BCKDK: variants seen among roughly 807,000 people sequenced by gnomAD.
BCKDK encodes branched-chain alpha-ketoacid dehydrogenase kinase.
BCKDK carries 28 observed loss-of-function variants against 43.9 expected under a neutral mutation model. That is an observed-to-expected ratio of 0.64 (90% CI 0.47 to 0.87). The LOEUF (loss-of-function observed/expected upper bound fraction) is 0.87. Among genes scored for constraint, BCKDK ranks in the 40% least tolerant of loss-of-function variants. BCKDK has a pLI of 0.00. For missense variants in BCKDK, 483 were observed against 581.4 expected (o/e 0.83, Z 1.74); for synonymous variants, 257 against 234.3 (o/e 1.10, Z -0.88).
At position 31,110,203 on chromosome 16, in the gene BCKDK, AG is replaced by A; in HGVS notation, c.424-1del. ...CCTTCCTCATGACTCTGTGACCTGC[AG>A]ATCAAGGACCAGGCGGACGAGGCCC... On this transcript the variant is annotated splice_acceptor_variant, in intron 5 of 11. Transcript: ENST00000219794. LOFTEE classifies it high-confidence loss of function. This position sits in a 1 kb window ranked among gnomAD's most constrained non-coding sequence, Gnocchi z 5.4. 4 of 1,614,154 alleles carry A rather than the reference AG, an allele frequency of 2.5e-6. No individual in the cohort carries two copies. The highest frequency in any genetic ancestry group is 3.4e-6 in the Non-Finnish European group (4 of 1,180,020).
At chr16:31,117,394 A>AATTAATTAATT (rs1567432238), downstream of BCKDK, 1 of 211,452 alleles carries the variant, frequency 4.7e-6, no homozygotes, top group Non-Finnish European at 9.3e-6. Context: ...ATAAATAAAT[A>AATTAATTAATT]AATAAATTAA....
At position 31,111,098 on chromosome 16, in the gene BCKDK, T is replaced by C. The variant is rs1567429360; in HGVS notation, c.724T>C (p.Cys242Arg). The stretch of plus-strand genomic sequence containing the variant: ...CCTCGCTCCTATCCGCAGACGCCTG[T>C]GTGAGCACAAGTATGGCAATGCGCC... Reference protein sequence around the residue: ...EKWVDFARRLCEHKYGNAPRV... With the variant: ...EKWVDFARRLREHKYGNAPRV... Residue 242 changes from cysteine (C) to arginine (R), a missense_variant, in exon 9 of 12, where the codon TGT (cysteine) becomes CGT (arginine). By Grantham distance (180) the Cys-to-Arg change is radical. Coordinates refer to ENST00000219794, the MANE Select transcript of BCKDK (RefSeq NM_005881.4). 9 of 1,614,090 alleles carry C rather than the reference T, an allele frequency of 5.6e-6. No individual in the cohort carries two copies. Among genetic ancestry groups the C allele is most frequent in the Non-Finnish European group, 6.8e-6 (8 of 1,180,016 alleles).
Position 31,111,991 on chromosome 16 carries a change from A to G in BCKDK, c.1058A>G (p.Asp353Gly), listed in dbSNP as rs200213677. ...ATCAGCCCCCTCTTTGGCCATCTGG[A>G]CATGCATAGTGGCGCCCAGTCAGGA... Reference protein sequence around the residue: ...PRISPLFGHLDMHSGAQSGPM... With the variant: ...PRISPLFGHLGMHSGAQSGPM... The change falls in exon 11 of 12, where the codon GAC (aspartate) becomes GGC (glycine). Residue 353 changes from aspartate to glycine, a missense_variant. Transcript: ENST00000219794. The G allele has an allele frequency of 1.7e-4, 280 of 1,613,946 alleles. No homozygotes were observed. Among genetic ancestry groups the G allele is most frequent in the Non-Finnish European group, 2.3e-4 (273 of 1,180,020 alleles).
downstream of BCKDK, among the ~76,000 whole-genome samples, chr16:31,114,433 G>A (rs1287503947): frequency 2.6e-5 from 4 of 151,712 alleles, no homozygotes; most frequent in East Asian, 1.9e-4. Context: ...GGCTGGTCTC[G>A]AACTCCCAAC....
At chr16:31,111,439 G>A in intron 10 of BCKDK, 50 bp downstream of exon 10, 1 of 1,582,022 alleles carries the variant, frequency 6.3e-7, no homozygotes, top group Non-Finnish European at 8.7e-7. Flanking sequence ...GGGGGTCTAG[G>A]CACTGTTTCT....
At chr16:31,112,862 T>G (rs373191639), downstream of BCKDK, 4 of 175,192 alleles carry the variant, frequency 2.3e-5, no homozygotes, top group East Asian at 4.8e-4. The surrounding 1 kb of genome is among the most constrained non-coding windows in gnomAD (Gnocchi z 5.0). Flanking sequence ...GTTTTGACTC[T>G]TCCTTTCCTG....
chr16:31,110,091 C>T lies in BCKDK; in HGVS notation c.390C>T (p.Ile130=). 1 of 1,614,158 alleles carries T rather than the reference C, an allele frequency of 6.2e-7. No individual in the cohort carries two copies. The highest frequency in any genetic ancestry group is 8.5e-7 in the Non-Finnish European group (1 of 1,180,036). The change falls in exon 5 of 12, where the codon ATC becomes ATT. Residue 130 remains isoleucine (I), a synonymous_variant. Transcript: ENST00000219794. The surrounding 1 kb of genome is among the most constrained non-coding windows in gnomAD (Gnocchi z 5.4). The part of the protein sequence containing the change: ...PTILHVHELY[I]RAFQKLTDFP... The stretch of plus-strand genomic sequence containing the variant: ...CTTCCTTGCAGCATGAGCTATATAT[C>T]CGTGCCTTCCAGAAGCTGACAGACT...
chr16:31,109,872 G>A lies in BCKDK; in HGVS notation c.375+89G>A. ...GGCCCAGAGTGGCAGACGATTGCTT[G>A]CCTAAAGGTGTCAGGGCCACACAGG... is the stretch of plus-strand genomic sequence containing the variant. On this transcript the variant is annotated intron_variant, in intron 4 of 11. Coordinates refer to ENST00000219794, the MANE Select transcript of BCKDK (RefSeq NM_005881.4). The surrounding 1 kb of genome is among the most constrained non-coding windows in gnomAD (Gnocchi z 5.3). The A allele has an allele frequency of 6.9e-7, 1 of 1,452,208 alleles. No homozygotes were observed. The highest frequency in any genetic ancestry group is 9.6e-7 in the Non-Finnish European group (1 of 1,040,276). 90.0% of individuals were successfully genotyped at this position (1,452,208 alleles called of 1,614,324 possible).
At chr16:31,117,605 G>A (rs1450523260), downstream of BCKDK, 6 of 1,197,578 alleles carry the variant, frequency 5.0e-6, no homozygotes, top group African/African-American at 6.4e-5. Flanking sequence ...ACCTTGAGGA[G>A]CCCGCCCCAC....
rs751842287 is a variant in BCKDK at position 31,111,195 on chromosome 16, C to T, written c.821C>T (p.Pro274Leu). 1.1e-5 allele frequency: 18 copies of T among 1,614,030 alleles called. No homozygotes were observed. Among genetic ancestry groups the T allele is most frequent in the East Asian group, 2.2e-5 (1 of 44,900 alleles). The part of the protein sequence containing the change: ...FIPMPLDYIL[P>L]ELLKNAMRAT... ...CCTATGCCACTGGACTACATCCTGCCGGAGCTGCTCAAGAATGCCATGAGG... is the reference window on the plus strand; with the variant it reads ...CCTATGCCACTGGACTACATCCTGCTGGAGCTGCTCAAGAATGCCATGAGG... Residue 274 changes from proline to leucine, a missense_variant, in exon 9 of 12, where the codon CCG becomes CTG. By Grantham distance (98) the Pro-to-Leu change is moderately conservative. Coordinates refer to ENST00000219794, the MANE Select transcript of BCKDK (RefSeq NM_005881.4).
downstream of BCKDK, chr16:31,117,398 A>AATT (rs2057454466): frequency 1.2e-4 from 29 of 234,268 alleles, no homozygotes; most frequent in Non-Finnish European, 3.3e-5. Context: ...ATAAATAAAT[A>AATT]AATTAAAAAA....
chr16:31,113,136 TTAGG>T (rs1450100334), downstream of BCKDK, among the ~76,000 whole-genome samples: 1 of 152,188 alleles, frequency 6.6e-6, no homozygotes, highest in East Asian at 1.9e-4. Context: ...AGATGACATC[TTAGG>T]TAGGAACACC....
At position 31,112,668 on chromosome 16, in the gene BCKDK, TACCTGCCCTGAGA is replaced by T. The variant is rs2057424362; in HGVS notation, c.*404_*416del. 8 of 356,526 alleles carry T rather than the reference TACCTGCCCTGAGA, an allele frequency of 2.2e-5. No individual in the cohort carries two copies. The highest frequency in any genetic ancestry group is 1.8e-4 in the South Asian group (8 of 44,336). The allele number at this position is 356,526 out of a possible 1,614,324, so 22.1% of individuals were successfully genotyped here. On this transcript the variant is annotated 3_prime_UTR_variant, in exon 12 of 12. Coordinates refer to ENST00000219794, the MANE Select transcript of BCKDK (RefSeq NM_005881.4). This position sits in a 1 kb window ranked among gnomAD's most constrained non-coding sequence, Gnocchi z 5.0. Reference sequence around the variant, plus strand: ...TGAACTGGTTCGTGTCCCAGTCTCTTACCTGCCCTGAGAGCCTGGCAGGCCAGGAGTAGAATGG... The same window carrying T: ...TGAACTGGTTCGTGTCCCAGTCTCTTGCCTGGCAGGCCAGGAGTAGAATGG...
chr16:31,109,462 G>C lies in BCKDK; in HGVS notation c.195+44G>C. 6.2e-7 allele frequency: 1 copy of C among 1,613,472 alleles called. No individual in the cohort carries two copies. On this transcript the variant is annotated intron_variant, in intron 2 of 11. Coordinates refer to ENST00000219794, the MANE Select transcript of BCKDK (RefSeq NM_005881.4). This position sits in a 1 kb window ranked among gnomAD's most constrained non-coding sequence, Gnocchi z 5.3. ...AGCCCAGGGTCCGGGATGTAGGCGG[G>C]AGGGAGAGTGTTGGGGGTTCTCTGC...
chr16:31,117,532 G>C (rs1316619410), downstream of BCKDK: 5 of 574,182 alleles, frequency 8.7e-6, no homozygotes, highest in South Asian at 4.4e-5. Flanking sequence ...TCCAACTCGC[G>C]GGGCCGCGGG....
In BCKDK at chr16:31,110,213, C is replaced by T. The variant is rs766053594; in HGVS notation, c.432C>T (p.Asp144=). 3 of 1,614,088 alleles carry T rather than the reference C, an allele frequency of 1.9e-6. No individual in the cohort carries two copies. The highest frequency in any genetic ancestry group is 2.5e-6 in the Non-Finnish European group (3 of 1,180,012). Residue 144 remains aspartate, a synonymous_variant, in exon 6 of 12, where the codon GAC becomes GAT. Coordinates refer to ENST00000219794, the MANE Select transcript of BCKDK (RefSeq NM_005881.4). This position sits in a 1 kb window ranked among gnomAD's most constrained non-coding sequence, Gnocchi z 5.4. ...QKLTDFPPIK[D]QADEAQYCQL... ...GACTCTGTGACCTGCAGATCAAGGA[C>T]CAGGCGGACGAGGCCCAGTACTGCC...
rs2057395572 is a variant in BCKDK, at chr16:31,109,828, G to C, written c.375+45G>C. 1 of 1,584,548 alleles carries C rather than the reference G, an allele frequency of 6.3e-7. No homozygotes were observed. Among genetic ancestry groups the C allele is most frequent in the Non-Finnish European group, 8.7e-7 (1 of 1,154,488 alleles). ...AGGTCAGCGGGCCACCCTGCCCCGG[G>C]GGCAAGTGGGGAGTCTGGGGCCCAG... On this transcript the variant is annotated intron_variant, in intron 4 of 11. Transcript: ENST00000219794. The surrounding 1 kb of genome is among the most constrained non-coding windows in gnomAD (Gnocchi z 5.3).
In BCKDK at chr16:31,110,121, T is replaced by G. The variant is rs1170766541; in HGVS notation, c.420T>G (p.Pro140=). ...IRAFQKLTDF[P]PIKDQADEAQ... ...CCTTCCAGAAGCTGACAGACTTCCC[T>G]CCGGTGAGTGCTGGGCCAGAGCAGG... Residue 140 remains proline (P), a synonymous_variant, in exon 5 of 12, where the codon CCT becomes CCG. Coordinates refer to ENST00000219794, the MANE Select transcript of BCKDK (RefSeq NM_005881.4). This position sits in a 1 kb window ranked among gnomAD's most constrained non-coding sequence, Gnocchi z 5.4. 2 of 1,614,124 alleles carry G rather than the reference T, an allele frequency of 1.2e-6. No individual in the cohort carries two copies. Among genetic ancestry groups the G allele is most frequent in the Non-Finnish European group, 1.7e-6 (2 of 1,180,020 alleles).
Position 31,110,920 on chromosome 16 carries a change from C to A in BCKDK, c.716+159C>A, listed in dbSNP as rs2057406656. The A allele has an allele frequency of 2.3e-6, 3 of 1,325,218 alleles. No individual in the cohort carries two copies. The highest frequency in any genetic ancestry group is 2.7e-5 in the South Asian group (2 of 74,746). 82.1% of individuals were successfully genotyped at this position (1,325,218 alleles called of 1,614,324 possible). A position where few individuals can be genotyped will look rare whatever the true frequency, so the allele number is the denominator to read the frequency against. On this transcript the variant is annotated intron_variant, in intron 8 of 11. Transcript: ENST00000219794. This position sits in a 1 kb window ranked among gnomAD's most constrained non-coding sequence, Gnocchi z 5.4. ...TAATTCTTTGTCACAGGGGCTGCCC[C>A]GTGCACGTTAGGAAGTTCAGCAGCA...
Sources: allele counts gnomAD v4.1 joint callset (sites outside exome capture counted in the v4.1 genomes callset), GRCh38; gene constraint gnomAD v4.1.1; non-coding constraint Gnocchi (gnomAD v3.1); transcripts MANE v1.5; gene names NCBI Gene and HGNC (gene_info 2026-07-23, HGNC 2026-07-21).